Variants in SPOCK1 observed in about 807,000 individuals in gnomAD.
The protein encoded by SPOCK1 is SPARC (osteonectin), cwcv and kazal like domains proteoglycan 1, also known as testican-1.
Under a neutral mutation model 55.3 loss-of-function variants are expected in SPOCK1, and 23 were observed. The ratio of observed to expected loss-of-function variants is 0.42; its 90% confidence interval spans 0.30 to 0.59. The LOEUF (loss-of-function observed/expected upper bound fraction) is 0.59. SPOCK1 is among the 20% of genes least tolerant of loss of function. SPOCK1 has a pLI of 0.22. For synonymous variants in SPOCK1, 226 were observed against 221.0 expected (o/e 1.02, Z -0.20); for missense variants, 499 against 552.5 (o/e 0.90, Z 0.97).
Position 137,122,798 on chromosome 5 carries a change from C to A in SPOCK1, c.348-10237G>T, listed in dbSNP as rs76255811. On this transcript the variant is annotated intron_variant, in intron 4 of 10. Transcript: ENST00000394945. ...GCACAAGCACATGTCATTCCACCAT[C>A]AGCTTCGCTGTTCTAATCTTGGAAA... Among the ~76,000 whole-genome samples, 425 of 152,370 alleles carry A rather than the reference C, an allele frequency of 2.8e-3. 3 individuals carry two copies. Among genetic ancestry groups the A allele is most frequent in the African/African-American group, 9.6e-3 (398 of 41,586 alleles).
At chr5:137,248,736 T>C (rs962646323) in intron 3 of SPOCK1, among the ~76,000 whole-genome samples, 2 of 152,188 alleles carry the variant, frequency 1.3e-5, no homozygotes, top group Admixed American at 6.5e-5. Context: ...AGATGATTCA[T>C]ATAAAGGGCT....
chr5:136,979,288 G>T (rs751389211), intron 10 of SPOCK1, 44 bp downstream of exon 10: 1 of 1,611,732 alleles, frequency 6.2e-7, no homozygotes, highest in Admixed American at 1.7e-5. Flanking sequence ...GGAACCACAG[G>T]CCACCCAGGT....
intron 2 of SPOCK1, among the ~76,000 whole-genome samples, chr5:137,319,805 C>T (rs1757947909): frequency 6.6e-6 from 1 of 151,736 alleles, no homozygotes; most frequent in African/African-American, 2.4e-5. Flanking sequence ...ATTAGCCAGG[C>T]GCGGTGGCGG....
intron 3 of SPOCK1, among the ~76,000 whole-genome samples, chr5:137,169,510 C>T (rs1025620909): frequency 8.0e-5 from 4 of 50,208 alleles, no homozygotes; most frequent in Non-Finnish European, 1.6e-4. Context: ...TCACTAAATG[C>T]CTATCTGCCC....
chr5:137,432,154 G>A (rs1477789306), intron 2 of SPOCK1, among the ~76,000 whole-genome samples: 1 of 152,148 alleles, frequency 6.6e-6, no homozygotes, highest in African/African-American at 2.4e-5. Context: ...CACCACTGAT[G>A]GGAGAGTAAA....
intron 2 of SPOCK1, among the ~76,000 whole-genome samples, chr5:137,272,728 AC>A (rs1337108076): frequency 1.9e-4 from 5 of 26,958 alleles, no homozygotes; most frequent in Non-Finnish European, 2.8e-4. Context: ...CAAATCACCC[AC>A]CCCCACCCCC....
At position 137,477,488 on chromosome 5, in the gene SPOCK1, G is replaced by A. The variant is rs773535398; in HGVS notation, c.186+20885C>T. Reference sequence around the variant, plus strand: ...CAGCTTCAAGGTTGGGAAGACACTTGCAGACCACTCAGTTTGGGTATAGCC... The same window carrying A: ...CAGCTTCAAGGTTGGGAAGACACTTACAGACCACTCAGTTTGGGTATAGCC... On this transcript the variant is annotated intron_variant, in intron 2 of 10. Transcript: ENST00000394945. 5.9e-5 allele frequency among the ~76,000 whole-genome samples: 9 copies of A among 152,306 alleles called. No individual in the cohort carries two copies. The South Asian group carries it at 1.9e-3, about 32-fold the overall frequency.
intron 2 of SPOCK1, among the ~76,000 whole-genome samples, chr5:137,375,960 C>T (rs943883128): frequency 6.6e-5 from 10 of 152,304 alleles, no homozygotes; most frequent in South Asian, 4.1e-4. Flanking sequence ...CCTTCCTCTG[C>T]GCCTAGGAGC....
At chr5:137,004,544 T>A (rs772440771) in intron 6 of SPOCK1, among the ~76,000 whole-genome samples, 37 of 152,140 alleles carry the variant, frequency 2.4e-4, no homozygotes, top group Middle Eastern at 3.2e-3. Context: ...TGATAAAATG[T>A]TTGCTATTAT....
chr5:137,008,926 T>G (rs1004513108), intron 6 of SPOCK1, among the ~76,000 whole-genome samples: 3 of 152,106 alleles, frequency 2.0e-5, no homozygotes, highest in African/African-American at 7.2e-5. Flanking sequence ...TATCACTGTT[T>G]TAAGTGAGAA....
At chr5:137,178,700 C>G (rs1486095830) in intron 3 of SPOCK1, among the ~76,000 whole-genome samples, 1 of 152,208 alleles carries the variant, frequency 6.6e-6, no homozygotes, top group Admixed American at 6.5e-5. Context: ...CCTGCACCCT[C>G]AAGTGAGAAG....
intron 6 of SPOCK1, among the ~76,000 whole-genome samples, chr5:137,062,961 G>A (rs548095765): frequency 1.2e-4 from 18 of 152,178 alleles, no homozygotes; most frequent in Non-Finnish European, 2.1e-4. Context: ...AGGGCCGGGC[G>A]CGGTGGCTCA....
chr5:137,333,252 G>A (rs1758219795), intron 2 of SPOCK1, among the ~76,000 whole-genome samples: 1 of 152,212 alleles, frequency 6.6e-6, no homozygotes, highest in Admixed American at 6.5e-5. Context: ...ACATGTTAAG[G>A]CTCGAGAGCT....
At chr5:137,298,919 G>C (rs975588977) in intron 2 of SPOCK1, among the ~76,000 whole-genome samples, 2 of 151,990 alleles carry the variant, frequency 1.3e-5, no homozygotes, top group Non-Finnish European at 2.9e-5. Flanking sequence ...ACATTTAGGT[G>C]TCCTCCCTTT....
intron 3 of SPOCK1, among the ~76,000 whole-genome samples, chr5:137,222,251 C>T (rs1248989727): frequency 1.3e-5 from 2 of 152,110 alleles, no homozygotes; most frequent in Non-Finnish European, 2.9e-5. Context: ...TTGATTCCCG[C>T]CCCCACTTCA....
rs951148987 is a variant in SPOCK1 at position 137,304,209 on chromosome 5, A to G, written c.187-37154T>C. ...AAACCACAGTCAAAATTTTACATCC[A>G]TAAGAAACGAGGTTTTGATGTTCAA... On this transcript the variant is annotated intron_variant, in intron 2 of 10. Coordinates refer to ENST00000394945, the MANE Select transcript of SPOCK1 (RefSeq NM_004598.4). 1.4e-3 allele frequency among the ~76,000 whole-genome samples: 216 copies of G among 152,284 alleles called. 1 individual carries two copies. Among genetic ancestry groups the G allele is most frequent in the African/African-American group, 5.1e-3 (211 of 41,564 alleles).
chr5:137,239,946 C>T (rs1756252559), intron 3 of SPOCK1, among the ~76,000 whole-genome samples: 2 of 152,176 alleles, frequency 1.3e-5, no homozygotes, highest in South Asian at 4.1e-4. Context: ...AAACCCAACA[C>T]AGCTCAGAAA....
At chr5:137,130,148 A>G (rs1753846722) in intron 4 of SPOCK1, among the ~76,000 whole-genome samples, 1 of 152,200 alleles carries the variant, frequency 6.6e-6, no homozygotes, top group Non-Finnish European at 1.5e-5. Flanking sequence ...ACCTTTACAA[A>G]GGTGGTTTTA....
At chr5:137,167,404 TC>T (rs1754668824) in intron 3 of SPOCK1, among the ~76,000 whole-genome samples, 2 of 150,460 alleles carry the variant, frequency 1.3e-5, no homozygotes, top group East Asian at 4.0e-4. Context: ...ACTGGACAGA[TC>T]TTCCAGACAG....
Sources: gnomAD v4.1 joint callset for allele counts (sites outside exome capture counted in the v4.1 genomes callset) on GRCh38, gnomAD v4.1.1 for gene constraint, MANE v1.5 for transcripts, NCBI Gene and HGNC (gene_info 2026-07-23, HGNC 2026-07-21) for gene names.